FER1L6: variants seen among roughly 807,000 people sequenced by gnomAD.
FER1L6 encodes fer-1-like protein 6.
Under a neutral mutation model 219.2 loss-of-function variants are expected in FER1L6, and 177 were observed. The observed-to-expected ratio is 0.81, with a 90% CI of 0.71 to 0.91. The LOEUF is 0.91. Among genes scored for constraint, FER1L6 ranks in the 40% least tolerant of loss-of-function variants. The pLI is 0.00. For missense variants in FER1L6, 2,153 were observed against 2,259.9 expected (o/e 0.95, Z 0.96); for synonymous variants, 768 against 824.3 (o/e 0.93, Z 1.17).
Position 123,952,252 on chromosome 8 carries a change from T to C in FER1L6, c.-7-3740T>C, listed in dbSNP as rs578133002. Among the ~76,000 whole-genome samples the C allele has an allele frequency of 5.3e-5, 8 of 152,272 alleles. No homozygotes were observed. The South Asian group carries it at 1.7e-3, about 32-fold the overall frequency. ...CCAGGGCCAGCTCCAGTGACACAGT[T>C]AGAAAGTGGCCTACATGAGACCCAC... On this transcript the variant is annotated intron_variant, in intron 1 of 40. Transcript: ENST00000522917.
intron 18 of FER1L6, among the ~76,000 whole-genome samples, chr8:124,033,473 A>G (rs183292660): frequency 6.6e-6 from 1 of 152,246 alleles, no homozygotes; most frequent in Admixed American, 6.5e-5. Context: ...TGCCTTTACC[A>G]ACAACAAAAT....
chr8:123,967,185 A>G (rs970148861), intron 5 of FER1L6, among the ~76,000 whole-genome samples: 3 of 152,148 alleles, frequency 2.0e-5, no homozygotes, highest in African/African-American at 2.4e-5. Context: ...TTGATCCCCA[A>G]TGCCCTAGTC....
In FER1L6 at chr8:124,071,525, A is replaced by G. The variant is rs551292498; in HGVS notation, c.3986A>G (p.Lys1329Arg). Residue 1329 changes from lysine (K) to arginine (R), a missense_variant, in exon 31 of 41, where the codon AAA becomes AGA. Lys to Arg is a conservative substitution (Grantham distance 26, BLOSUM62 2). Coordinates refer to ENST00000522917, the MANE Select transcript of FER1L6 (RefSeq NM_001039112.2). ...TTCCAGGGCTCCTTCTGCATCTACA[A>G]AAGCCCCCAGGATTCTAGCTCTGAG... ...GKFKGSFCIY[K>R]SPQDSSSEDS... 39 of 1,614,052 alleles carry G rather than the reference A, an allele frequency of 2.4e-5. 2 individuals are homozygous for G. The South Asian group carries it at 4.2e-4, about 17-fold the overall frequency.
At position 124,119,591 on chromosome 8, in the gene FER1L6, C is replaced by T. The variant is rs200196706; in HGVS notation, c.5391-16C>T. 3.6e-4 allele frequency: 567 copies of T among 1,574,576 alleles called. 4 individuals carry two copies. In the South Asian group the frequency reaches 3.7e-3, roughly 10 times the overall value. ...CAGGATGCCCCCTTTTTGATTTTCT[C>T]TTCCTTCCCCCTCAGCCGCCCAGAC... On this transcript the variant is annotated splice_polypyrimidine_tract_variant and intron_variant, in intron 40 of 40. Transcript: ENST00000522917.
intron 1 of FER1L6, among the ~76,000 whole-genome samples, chr8:123,920,458 G>A (rs142980678): frequency 3.9e-5 from 6 of 152,310 alleles, no homozygotes; most frequent in Non-Finnish European, 7.3e-5. Flanking sequence ...ATGAAGAACC[G>A]CGATTAGACT....
chr8:123,859,380 C>A (rs1816704668), intron 1 of FER1L6, among the ~76,000 whole-genome samples: 1 of 152,138 alleles, frequency 6.6e-6, no homozygotes, highest in African/African-American at 2.4e-5. Flanking sequence ...CATCACCTCA[C>A]CAATTTATCG....
intron 39 of FER1L6, among the ~76,000 whole-genome samples, chr8:124,114,345 G>T (rs896890702): frequency 6.6e-6 from 1 of 151,368 alleles, no homozygotes; most frequent in Non-Finnish European, 1.5e-5. Context: ...TGTTGTTATT[G>T]TTATCACTAT....
intron 1 of FER1L6, among the ~76,000 whole-genome samples, chr8:123,866,680 G>T (rs1157053867): frequency 6.6e-6 from 1 of 152,140 alleles, no homozygotes; most frequent in Non-Finnish European, 1.5e-5. Flanking sequence ...GTGCAGTGGT[G>T]CTATCTAGCT....
intron 12 of FER1L6, among the ~76,000 whole-genome samples, chr8:123,998,373 A>ACTCTCC (rs1817239279): frequency 3.1e-5 from 1 of 32,456 alleles, no homozygotes; most frequent in Non-Finnish European, 6.5e-5. Flanking sequence ...AAAGAGGGAA[A>ACTCTCC]CTCTCTCTCT....
intron 1 of FER1L6, among the ~76,000 whole-genome samples, chr8:123,918,478 C>T (rs1813258382): frequency 6.6e-6 from 1 of 152,138 alleles, no homozygotes. Flanking sequence ...TGTGCAATCG[C>T]ATCCTCAGGA....
At chr8:124,113,593 T>A (rs1823108357) in intron 39 of FER1L6, among the ~76,000 whole-genome samples, 2 of 152,330 alleles carry the variant, frequency 1.3e-5, no homozygotes, top group Middle Eastern at 3.4e-3. Flanking sequence ...GCTGTTTCCT[T>A]TTCAAAACAA....
rs74586940 is a variant in FER1L6, at chr8:124,022,289, G to A, written c.2133+620G>A. On this transcript the variant is annotated intron_variant, in intron 17 of 40. Transcript: ENST00000522917. ...TCAGTAGACATAGGAATTTGAATAA[G>A]CACTCAGAAGAGAGAAGGGATGTCC... 5.6e-4 allele frequency among the ~76,000 whole-genome samples: 85 copies of A among 152,332 alleles called. No individual in the cohort carries two copies. In the East Asian group the frequency reaches 0.015, roughly 27 times the overall value.
intron 39 of FER1L6, among the ~76,000 whole-genome samples, chr8:124,117,310 T>A (rs1191815585): frequency 6.6e-6 from 1 of 152,210 alleles, no homozygotes; most frequent in African/African-American, 2.4e-5. Flanking sequence ...TGGGACAAAG[T>A]GAGTGATCCG....
intron 24 of FER1L6, among the ~76,000 whole-genome samples, 176 bp from the exon 25 acceptor site, chr8:124,061,676 G>A (rs1820584735): frequency 6.6e-6 from 1 of 152,178 alleles, no homozygotes; most frequent in Non-Finnish European, 1.5e-5. Flanking sequence ...TCCTATTTGG[G>A]TGAATTACTC....
intron 1 of FER1L6, among the ~76,000 whole-genome samples, chr8:123,883,932 T>C (rs1489709405): frequency 1.3e-5 from 2 of 152,218 alleles, no homozygotes; most frequent in African/African-American, 4.8e-5. Flanking sequence ...ACAATCATGT[T>C]GGTAATTAAG....
intron 35 of FER1L6, among the ~76,000 whole-genome samples, chr8:124,096,934 C>A (rs544516122): frequency 6.6e-6 from 1 of 151,974 alleles, no homozygotes; most frequent in Non-Finnish European, 1.5e-5. Context: ...GTAACATCTA[C>A]CTGGTGGAGA....
chr8:124,115,215 A>G (rs1823193752), intron 39 of FER1L6, among the ~76,000 whole-genome samples: 1 of 150,722 alleles, frequency 6.6e-6, no homozygotes, highest in Non-Finnish European at 1.5e-5. Flanking sequence ...TAGTCTCTTG[A>G]ACTGTCTATT....
At chr8:123,920,355 T>C (rs561498294) in intron 1 of FER1L6, among the ~76,000 whole-genome samples, 29 of 152,344 alleles carry the variant, frequency 1.9e-4, no homozygotes, top group Non-Finnish European at 3.5e-4. Flanking sequence ...TGGATCCTTC[T>C]TTGACCCTGG....
At chr8:123,965,021 T>C (rs1289678962) in intron 3 of FER1L6, among the ~76,000 whole-genome samples, 2 of 152,224 alleles carry the variant, frequency 1.3e-5, no homozygotes, top group African/African-American at 2.4e-5. Flanking sequence ...TAATAAATAA[T>C]CAGTACAAAT....
Sources: gnomAD v4.1 joint callset for allele counts (sites outside exome capture counted in the v4.1 genomes callset) on GRCh38, gnomAD v4.1.1 for gene constraint, MANE v1.5 for transcripts, NCBI Gene and HGNC (gene_info 2026-07-23, HGNC 2026-07-21) for gene names.